PCDHA3: variants seen among roughly 807,000 people sequenced by gnomAD.
PCDHA3 encodes the protein protocadherin alpha 3, also known as protocadherin alpha-3.
In PCDHA3, 41 loss-of-function variants were observed where a neutral mutation model predicts 62.2. The observed-to-expected ratio is 0.66, with a 90% CI of 0.51 to 0.86. The LOEUF (loss-of-function observed/expected upper bound fraction) is 0.86. PCDHA3 is among the 40% of genes least tolerant of loss of function. PCDHA3 has a pLI of 0.00. For missense variants in PCDHA3, 1,304 were observed against 1,241.2 expected (o/e 1.05, Z -0.76); for synonymous variants, 640 against 555.4 (o/e 1.15, Z -2.14).
Position 140,803,545 on chromosome 5 carries a change from G to T in PCDHA3, c.2348G>T (p.Arg783Leu), listed in dbSNP as rs777744369. 3 of 1,614,176 alleles carry T rather than the reference G, an allele frequency of 1.9e-6. No individual in the cohort carries two copies. The highest frequency in any genetic ancestry group is 2.2e-5 in the East Asian group (1 of 44,878). The part of the protein sequence containing the change: ...SPSLPPCPIS[R>L]DREEKQDVDV... The stretch of plus-strand genomic sequence containing the variant: ...AGCCTTCCTCCTTGTCCAATTAGCC[G>T]GGATAGAGAGGAGAAACAGGATGTG... The change falls in exon 1 of 4, where the codon CGG becomes CTG. Residue 783 changes from arginine (R) to leucine (L), a missense_variant. Coordinates refer to ENST00000522353, the MANE Select transcript of PCDHA3 (RefSeq NM_018906.3).
At chr5:140,829,769 G>T in intron 1 of PCDHA3, 2 of 1,613,778 alleles carry the variant, frequency 1.2e-6, no homozygotes, top group Non-Finnish European at 8.5e-7. Flanking sequence ...GGACGAGAAC[G>T]ACAACGCGCC....
At chr5:140,811,925 A>T (rs1279323596) in intron 1 of PCDHA3, 2 of 152,144 alleles carry the variant, frequency 1.3e-5, no homozygotes, top group Non-Finnish European at 2.9e-5. Context: ...GGTAGATTGC[A>T]AAAATTTTCT....
intron 2 of PCDHA3, among the ~76,000 whole-genome samples, chr5:140,979,943 T>A (rs2153820467): frequency 6.6e-6 from 1 of 152,364 alleles, no homozygotes; most frequent in Admixed American, 6.5e-5. Context: ...GTAGAGTTAA[T>A]GTGAAATTAG....
At chr5:140,999,554 G>T (rs2097862771) in intron 3 of PCDHA3, among the ~76,000 whole-genome samples, 1 of 152,158 alleles carries the variant, frequency 6.6e-6, no homozygotes, top group Non-Finnish European at 1.5e-5. Context: ...TGAAGAGGGG[G>T]TATTTTGAGA....
intron 1 of PCDHA3, among the ~76,000 whole-genome samples, chr5:140,844,305 T>C (rs1779315965): frequency 1.3e-5 from 2 of 149,704 alleles, no homozygotes; most frequent in Non-Finnish European, 3.0e-5. Context: ...ATAGTTTTCA[T>C]ATTCTTCCTA....
intron 1 of PCDHA3, among the ~76,000 whole-genome samples, chr5:140,847,234 C>T (rs1197831504): frequency 6.7e-6 from 1 of 149,750 alleles, no homozygotes; most frequent in African/African-American, 2.4e-5. Flanking sequence ...TATTTAACTA[C>T]CTTGAGCAAA....
chr5:140,897,457 C>T (rs1173344812), intron 1 of PCDHA3, among the ~76,000 whole-genome samples: 11 of 151,186 alleles, frequency 7.3e-5, no homozygotes, highest in East Asian at 1.9e-4. Context: ...TTTGTCCTTG[C>T]GATAGTTTAC....
chr5:140,829,086 G>A, intron 1 of PCDHA3: 2 of 1,611,294 alleles, frequency 1.2e-6, no homozygotes, highest in East Asian at 2.2e-5. Flanking sequence ...CCCATGGCGG[G>A]TCATTGCACC....
chr5:140,869,126 G>T, intron 1 of PCDHA3: 2 of 1,611,852 alleles, frequency 1.2e-6, no homozygotes, highest in South Asian at 2.2e-5. Flanking sequence ...CAGAGAAGGG[G>T]ATTGGGCACC....
rs2150354171 is a variant in PCDHA3, at chr5:140,843,161, G to C, written c.2394+39570G>C. 3.6e-5 allele frequency: 58 copies of C among 1,595,996 alleles called. 4 individuals are homozygous for C. In the South Asian group the frequency reaches 6.1e-4, roughly 17 times the overall value. ...GTGGCTTTCGTATGAGCTGCAGCCA[G>C]CTGCAAGCAGCCCTCGCATCCCGTT... On this transcript the variant is annotated intron_variant, in intron 1 of 3. Coordinates refer to ENST00000522353, the MANE Select transcript of PCDHA3 (RefSeq NM_018906.3).
chr5:140,855,468 T>C (rs1160317208), intron 1 of PCDHA3, among the ~76,000 whole-genome samples: 1 of 149,888 alleles, frequency 6.7e-6, no homozygotes, highest in Non-Finnish European at 1.5e-5. Context: ...TCACAGATAG[T>C]TGATGCTTGA....
chr5:140,808,872 C>G (rs782630901), intron 1 of PCDHA3: 1 of 1,613,186 alleles, frequency 6.2e-7, no homozygotes, highest in Non-Finnish European at 8.5e-7. Context: ...AACGACAACG[C>G]GCCAGCACTG....
chr5:140,928,860 G>T, intron 1 of PCDHA3: 8 of 1,614,154 alleles, frequency 5.0e-6, no homozygotes, highest in Non-Finnish European at 6.8e-6. Flanking sequence ...GTGTGCTGTT[G>T]AGCAACTCTG....
chr5:140,868,927 A>T, intron 1 of PCDHA3: 3 of 1,057,856 alleles, frequency 2.8e-6, no homozygotes, highest in Non-Finnish European at 4.0e-6. Flanking sequence ...AAGTTCATTT[A>T]AAGGTTGGTC....
chr5:140,926,659 C>T, intron 1 of PCDHA3: 1 of 531,904 alleles, frequency 1.9e-6, no homozygotes, highest in Non-Finnish European at 3.0e-6. Context: ...CTCCGCTTTC[C>T]CAGACGGCTG....
intron 1 of PCDHA3, chr5:140,870,454 G>A (rs782508076): frequency 6.2e-7 from 1 of 1,614,236 alleles, no homozygotes; most frequent in African/African-American, 1.3e-5. Flanking sequence ...GAACGACAAT[G>A]CGCCTGCGTT....
chr5:140,817,426 G>A (rs1403987621), intron 1 of PCDHA3: 1 of 152,220 alleles, frequency 6.6e-6, no homozygotes, highest in Non-Finnish European at 1.5e-5. Flanking sequence ...TATACCTGTG[G>A]AGGGTCTGGG....
At chr5:140,904,187 C>T (rs1554191348) in intron 1 of PCDHA3, among the ~76,000 whole-genome samples, 1 of 151,982 alleles carries the variant, frequency 6.6e-6, no homozygotes, top group Non-Finnish European at 1.5e-5. Context: ...ACCCCCTTCC[C>T]ACCCTTTCCC....
chr5:140,863,377 G>C (rs782482597), intron 1 of PCDHA3: 1 of 1,100,622 alleles, frequency 9.1e-7, no homozygotes, highest in African/African-American at 1.6e-5. Context: ...GCAGCTCACC[G>C]AGAGCTCGTG....
Sources: gnomAD v4.1 joint callset for allele counts (sites outside exome capture counted in the v4.1 genomes callset) on GRCh38, gnomAD v4.1.1 for gene constraint, MANE v1.5 for transcripts, NCBI Gene and HGNC (gene_info 2026-07-23, HGNC 2026-07-21) for gene names.